ELFN2: variants seen among roughly 807,000 people sequenced by gnomAD.
The protein encoded by ELFN2 is extracellular leucine rich repeat and fibronectin type III domain containing 2, also known as protein phosphatase 1 regulatory subunit 29.
Under a neutral mutation model 45.5 loss-of-function variants are expected in ELFN2, and 17 were observed. The ratio of observed to expected loss-of-function variants is 0.37; its 90% confidence interval spans 0.26 to 0.56. ELFN2 has a LOEUF of 0.56. Ranked by LOEUF, ELFN2 falls within the 20% of genes least tolerant of loss-of-function variation. ELFN2 has a pLI of 0.77. For missense variants in ELFN2, 922 were observed against 1,183.2 expected (o/e 0.78, Z 3.24); for synonymous variants, 550 against 551.5 (o/e 1.00, Z 0.04).
At chr22:37,376,909 G>A (rs1204057952) in intron 2 of ELFN2, among the ~76,000 whole-genome samples, 1 of 152,244 alleles carries the variant, frequency 6.6e-6, no homozygotes, top group Non-Finnish European at 1.5e-5. Flanking sequence ...GAGGGACAGG[G>A]AGTTGCCCCA....
rs1335099056 is a variant in ELFN2, at chr22:37,367,998, G to T, written c.*5074C>A. The T allele has an allele frequency of 2.0e-5, 3 of 152,554 alleles. No homozygotes were observed. In the East Asian group the frequency reaches 5.8e-4, roughly 29 times the overall value. 9.5% of individuals were successfully genotyped at this position (152,554 alleles called of 1,614,324 possible). A position where few individuals can be genotyped will look rare whatever the true frequency, so the allele number is the denominator to read the frequency against. On this transcript the variant is annotated 3_prime_UTR_variant, in exon 3 of 3. Transcript: ENST00000402918. ...GAAATTTATTGCAAATATAGAAATT[G>T]ATTCTCTCCATACAGGAATCTCCGA... is the stretch of plus-strand genomic sequence containing the variant.
chr22:37,357,345 G>A (rs9607451), intron 1 of ELFN2, among the ~76,000 whole-genome samples: 46,780 of 151,874 alleles, frequency 0.31, 7,407 homozygotes, highest in Middle Eastern at 0.42. Flanking sequence ...AAAATGAAGG[G>A]TTTTGCTCCT....
Position 37,426,281 on chromosome 22 carries a change from C to T in ELFN2, c.-614+1017G>A, listed in dbSNP as rs577997553. On this transcript the variant is annotated intron_variant, in intron 1 of 2. Coordinates refer to ENST00000402918, the MANE Select transcript of ELFN2 (RefSeq NM_052906.5). ...CCCTTCTCGTCTCCCTCCTTGGGCA[C>T]GCCTGACACACCATGGCCTGTGGCC... Among the ~76,000 whole-genome samples, 9 of 152,128 alleles carry T rather than the reference C, an allele frequency of 5.9e-5. No homozygotes were observed. In the South Asian group the frequency reaches 1.2e-3, roughly 21 times the overall value.
chr22:37,424,949 C>A (rs186846851), intron 1 of ELFN2, among the ~76,000 whole-genome samples: 1 of 152,048 alleles, frequency 6.6e-6, no homozygotes, highest in African/African-American at 2.4e-5. Context: ...CAGCACCCGC[C>A]CCCCACAAGG....
chr22:37,377,186 C>A (rs539410552), intron 2 of ELFN2, among the ~76,000 whole-genome samples: 1 of 152,250 alleles, frequency 6.6e-6, no homozygotes, highest in Non-Finnish European at 1.5e-5. Context: ...TCTGCATCAA[C>A]CCTCACTTTC....
intron 2 of ELFN2, among the ~76,000 whole-genome samples, chr22:37,394,601 G>A (rs899043867): frequency 4.6e-5 from 7 of 152,318 alleles, no homozygotes; most frequent in South Asian, 2.1e-4. Flanking sequence ...CGCAGCTCCC[G>A]CCCCGGCACA....
At chr22:37,349,166 C>T (rs555178903) in intron 1 of ELFN2, among the ~76,000 whole-genome samples, 24 of 151,372 alleles carry the variant, frequency 1.6e-4, no homozygotes, top group Middle Eastern at 3.4e-3. Flanking sequence ...GGCCAAGCCC[C>T]GGCACCAGGA....
At chr22:37,354,108 T>C (rs1261535401) in intron 1 of ELFN2, 2 of 152,234 alleles carry the variant, frequency 1.3e-5, no homozygotes, top group African/African-American at 2.4e-5. Flanking sequence ...GAATGAATCA[T>C]GACACGTTGC....
Position 37,375,363 on chromosome 22 carries a change from G to A in ELFN2, c.172C>T (p.His58Tyr). The A allele has an allele frequency of 6.2e-7, 1 of 1,614,170 alleles. No individual in the cohort carries two copies. The highest frequency in any genetic ancestry group is 8.5e-7 in the Non-Finnish European group (1 of 1,180,028). Reference protein sequence around the residue: ...TIPQHINSTVHDLRLNENKLK... With the variant: ...TIPQHINSTVYDLRLNENKLK... ...TTGTTCTCGTTGAGCCGCAGGTCGTGCACGGTGCTATTGATGTGCTGCGGG... is the reference window on the plus strand; with the variant it reads ...TTGTTCTCGTTGAGCCGCAGGTCGTACACGGTGCTATTGATGTGCTGCGGG... The change falls in exon 3 of 3, where the codon CAC (histidine) becomes TAC (tyrosine). Residue 58 changes from histidine (H) to tyrosine (Y), a missense_variant. Around this residue, in one of 2 missense-constraint regions of ELFN2, gnomAD observed 358 missense variants for 540.4 expected, o/e 0.66. Coordinates refer to ENST00000402918, the MANE Select transcript of ELFN2 (RefSeq NM_052906.5).
In ELFN2 at chr22:37,373,711, C is replaced by T. The variant is rs1569131858; in HGVS notation, c.1824G>A (p.Glu608=). The T allele has an allele frequency of 6.4e-7, 1 of 1,554,846 alleles. No individual in the cohort carries two copies. The highest frequency in any genetic ancestry group is 8.6e-7 in the Non-Finnish European group (1 of 1,156,776). Residue 608 remains glutamate (E), a synonymous_variant, in exon 3 of 3, where the codon GAG becomes GAA. Transcript: ENST00000402918. ...RPSFLSPPYK[E]SSHHPLQRQL... ...GGCGCTGTAGTGGGTGGTGGGAGCT[C>T]TCCTTGTAGGGAGGCGAAAGGAAGC...
intron 1 of ELFN2, among the ~76,000 whole-genome samples, chr22:37,345,237 C>A (rs1930668527): frequency 6.6e-6 from 1 of 152,222 alleles, no homozygotes; most frequent in South Asian, 2.1e-4. Context: ...TTCCTTTCTG[C>A]CCCTCCCTCC....
intron 2 of ELFN2, among the ~76,000 whole-genome samples, chr22:37,382,115 G>A (rs1931801111): frequency 6.6e-6 from 1 of 152,030 alleles, no homozygotes; most frequent in African/African-American, 2.4e-5. Context: ...TACAGGCAAG[G>A]AACTGAAACT....
At chr22:37,363,604 C>T (rs561723473), downstream of ELFN2, among the ~76,000 whole-genome samples, 3 of 152,116 alleles carry the variant, frequency 2.0e-5, no homozygotes, top group African/African-American at 7.2e-5. Flanking sequence ...TTGGCGCTGA[C>T]AGCAGGCTGG....
chr22:37,408,895 G>A (rs1932576731), intron 2 of ELFN2, among the ~76,000 whole-genome samples: 2 of 152,200 alleles, frequency 1.3e-5, no homozygotes. Flanking sequence ...CCTGGCACAT[G>A]GTGTGTTGAT....
In ELFN2 at chr22:37,356,406, G is replaced by A. The variant is rs28399030; in HGVS notation, n.149-13703C>T. Reference sequence around the variant, plus strand: ...GGGCATATGCGCCAAGTTACCTTCCGAAAATCTGAAACATGTTTGACCCCA... The same window carrying A: ...GGGCATATGCGCCAAGTTACCTTCCAAAAATCTGAAACATGTTTGACCCCA... On this transcript the variant is annotated intron_variant and non_coding_transcript_variant, in intron 1 of 2. Transcript: ENST00000452946. Among the ~76,000 whole-genome samples the A allele has an allele frequency of 5.1e-3, 775 of 152,266 alleles. 9 individuals carry two copies. The highest frequency in any genetic ancestry group is 0.018 in the African/African-American group (751 of 41,534).
chr22:37,367,393 G>A (rs1025137649), downstream of ELFN2, among the ~76,000 whole-genome samples: 10 of 152,238 alleles, frequency 6.6e-5, no homozygotes, highest in African/African-American at 9.7e-5. Flanking sequence ...AGCAGATGGC[G>A]GGAGGGCACC....
intron 1 of ELFN2, among the ~76,000 whole-genome samples, chr22:37,422,945 G>GGGT (rs1932820389): frequency 2.8e-5 from 3 of 105,552 alleles, no homozygotes; most frequent in African/African-American, 1.5e-4. Flanking sequence ...CTGGGCCTCG[G>GGGT]GGGGGGGGGG....
At chr22:37,419,790 G>T (rs555552922) in intron 1 of ELFN2, among the ~76,000 whole-genome samples, 1 of 152,200 alleles carries the variant, frequency 6.6e-6, no homozygotes, top group South Asian at 2.1e-4. Context: ...GCGCTCCCAG[G>T]GCAGTTCACG....
intron 1 of ELFN2, among the ~76,000 whole-genome samples, chr22:37,421,970 A>G (rs1569145542): frequency 6.6e-6 from 1 of 151,952 alleles, no homozygotes; most frequent in Admixed American, 6.6e-5. Context: ...AAGGAGGGAA[A>G]CTGAGTCAGG....
Sources: gnomAD v4.1 joint callset for allele counts (sites outside exome capture counted in the v4.1 genomes callset) on GRCh38, gnomAD v4.1.1 for gene constraint, gnomAD v4.1.1 regional missense constraint, MANE v1.5 for transcripts, NCBI Gene and HGNC (gene_info 2026-07-23, HGNC 2026-07-21) for gene names.